The following L3MBTL4 variants were observed in gnomAD, a reference collection of about 807,000 sequenced individuals.
L3MBTL4 encodes the protein L3MBTL histone methyl-lysine binding protein 4.
In L3MBTL4, 70 loss-of-function variants were observed where a neutral mutation model predicts 84.5. The observed-to-expected ratio is 0.83, with a 90% CI of 0.68 to 1.01. L3MBTL4 has a LOEUF of 1.01. Ranked by LOEUF, L3MBTL4 falls within the 50% of genes least tolerant of loss-of-function variation. The pLI is 0.00. For missense variants in L3MBTL4, 715 were observed against 754.8 expected, an observed-to-expected ratio of 0.95 and a Z score of 0.62; for synonymous variants, 274 against 259.8, an observed-to-expected ratio of 1.05 and a Z score of -0.52.
intron 1 of L3MBTL4, among the ~76,000 whole-genome samples, chr18:6,328,575 A>G (rs1327341756): frequency 1.3e-5 from 2 of 152,270 alleles, no homozygotes; most frequent in African/African-American, 4.8e-5. Flanking sequence ...ATTAAATGAC[A>G]TGAAAACACG....
intron 15 of L3MBTL4, among the ~76,000 whole-genome samples, chr18:6,088,775 A>G (rs2058343328): frequency 5.3e-5 from 8 of 152,214 alleles, no homozygotes; most frequent in Admixed American, 1.3e-4. Context: ...GTTGCAGCCA[A>G]AATAAACTAG....
chr18:5,979,096 A>G (rs1378776669), intron 16 of L3MBTL4, among the ~76,000 whole-genome samples: 1 of 152,150 alleles, frequency 6.6e-6, no homozygotes, highest in Non-Finnish European at 1.5e-5. Context: ...GGGAAGGGGC[A>G]AAAGAGTGGA....
At chr18:6,028,599 A>C (rs1276454154) in intron 16 of L3MBTL4, among the ~76,000 whole-genome samples, 1 of 152,226 alleles carries the variant, frequency 6.6e-6, no homozygotes, top group South Asian at 2.1e-4. Context: ...TAATGGGAAT[A>C]GCATTGAATC....
At chr18:6,113,364 A>G (rs1263330398) in intron 14 of L3MBTL4, among the ~76,000 whole-genome samples, 1 of 151,702 alleles carries the variant, frequency 6.6e-6, no homozygotes, top group Non-Finnish European at 1.5e-5. Context: ...AGACTGTAAA[A>G]GAAGGCTTAT....
At chr18:5,980,252 C>T (rs1309139968) in intron 16 of L3MBTL4, among the ~76,000 whole-genome samples, 1 of 152,200 alleles carries the variant, frequency 6.6e-6, no homozygotes, top group Non-Finnish European at 1.5e-5. Context: ...ACAGCTCTTC[C>T]TGCTTCTCAG....
At chr18:5,963,605 GA>G (rs1311888896) in intron 17 of L3MBTL4, among the ~76,000 whole-genome samples, 1 of 152,164 alleles carries the variant, frequency 6.6e-6, no homozygotes. Context: ...CCAAAGTAAG[GA>G]AAAAGTTCCA....
At chr18:6,063,954 T>G (rs2057320110) in intron 16 of L3MBTL4, among the ~76,000 whole-genome samples, 1 of 152,118 alleles carries the variant, frequency 6.6e-6, no homozygotes, top group African/African-American at 2.4e-5. Flanking sequence ...AGAAGAGTTT[T>G]TCCAAAGTTA....
chr18:6,005,769 C>T (rs968018992), intron 16 of L3MBTL4, among the ~76,000 whole-genome samples: 19 of 151,972 alleles, frequency 1.3e-4, no homozygotes, highest in Non-Finnish European at 2.6e-4. Context: ...TCCACATTTT[C>T]GTTATTGTGA....
chr18:6,182,421 T>C (rs2044517160), intron 12 of L3MBTL4, among the ~76,000 whole-genome samples: 2 of 152,318 alleles, frequency 1.3e-5, no homozygotes, highest in South Asian at 4.1e-4. Context: ...GTTTGCTTGT[T>C]GATGCGTTTC....
intron 10 of L3MBTL4, among the ~76,000 whole-genome samples, chr18:6,235,284 A>G (rs1408164286): frequency 2.6e-5 from 4 of 152,182 alleles, no homozygotes; most frequent in African/African-American, 9.7e-5. Context: ...AAACCCGCAC[A>G]TTGTGCACAT....
At chr18:6,281,498 A>C (rs1220112811) in intron 4 of L3MBTL4, among the ~76,000 whole-genome samples, 2 of 152,210 alleles carry the variant, frequency 1.3e-5, no homozygotes, top group African/African-American at 4.8e-5. Flanking sequence ...TAAACATAAA[A>C]AGGATGATTT....
At chr18:6,118,501 C>T (rs1303254521) in intron 14 of L3MBTL4, among the ~76,000 whole-genome samples, 1 of 152,170 alleles carries the variant, frequency 6.6e-6, no homozygotes, top group Non-Finnish European at 1.5e-5. Context: ...GATCTTATAC[C>T]TAGCACAGTG....
Position 6,298,831 on chromosome 18 carries a change from G to A in L3MBTL4, c.127+3072C>T, listed in dbSNP as rs142779808. Among the ~76,000 whole-genome samples, 879 of 151,988 alleles carry A rather than the reference G, an allele frequency of 5.8e-3. 5 individuals carry two copies. The highest frequency in any genetic ancestry group is 0.02 in the African/African-American group (832 of 41,434). The stretch of plus-strand genomic sequence containing the variant: ...GGAGGTTGCAGTGAGCCAAGATTGC[G>A]CCATTGCACTCCAGACTCAGCAACA... On this transcript the variant is annotated intron_variant, in intron 4 of 18. Transcript: ENST00000317931.
chr18:6,092,609 C>A (rs1000815933), intron 15 of L3MBTL4, among the ~76,000 whole-genome samples: 15 of 152,190 alleles, frequency 9.9e-5, no homozygotes, highest in African/African-American at 3.6e-4. Context: ...CTCTGTCTAG[C>A]CTTTCTTGGC....
chr18:6,035,815 C>T (rs2056107933), intron 16 of L3MBTL4, among the ~76,000 whole-genome samples: 1 of 152,106 alleles, frequency 6.6e-6, no homozygotes, highest in South Asian at 2.1e-4. Context: ...AAATTTATAG[C>T]ACTAAATGCC....
intron 12 of L3MBTL4, among the ~76,000 whole-genome samples, chr18:6,205,037 C>T (rs867687381): frequency 1.3e-5 from 2 of 152,138 alleles, no homozygotes; most frequent in African/African-American, 2.4e-5. Context: ...AAATTCTAAT[C>T]CCTGAAAGCT....
At chr18:6,376,277 A>G (rs62079199) in intron 1 of L3MBTL4, among the ~76,000 whole-genome samples, 15,697 of 152,194 alleles carry the variant, frequency 0.1, 891 homozygotes, top group Non-Finnish European at 0.14. Context: ...TCCCACTTCA[A>G]ACATCACCTC....
At chr18:6,006,894 AC>A (rs1437440496) in intron 16 of L3MBTL4, among the ~76,000 whole-genome samples, 1 of 152,214 alleles carries the variant, frequency 6.6e-6, no homozygotes, top group African/African-American at 2.4e-5. Context: ...TGAACAAAAA[AC>A]AAATAAAATT....
chr18:6,192,996 C>T (rs2045193020), intron 12 of L3MBTL4, among the ~76,000 whole-genome samples: 1 of 151,644 alleles, frequency 6.6e-6, no homozygotes, highest in Admixed American at 6.6e-5. Context: ...GATTAGAGGC[C>T]CTGAGGGCTG....
Sources: gnomAD v4.1 joint callset for allele counts (sites outside exome capture counted in the v4.1 genomes callset) on GRCh38, gnomAD v4.1.1 for gene constraint, MANE v1.5 for transcripts, NCBI Gene and HGNC (gene_info 2026-07-23, HGNC 2026-07-21) for gene names.